FOCAD: variants seen among roughly 807,000 people sequenced by gnomAD.
FOCAD encodes KIAA1797.
Under a neutral mutation model 225.6 loss-of-function variants are expected in FOCAD, and 198 were observed. The ratio of observed to expected loss-of-function variants is 0.88; its 90% CI spans 0.78 to 0.99. FOCAD has a LOEUF of 0.99. Among genes scored for constraint, FOCAD ranks in the 50% least tolerant of loss-of-function variants. FOCAD has a pLI of 0.00. For synonymous variants in FOCAD, 897 were observed against 755.0 expected, an observed-to-expected ratio of 1.19 and a Z score of -3.08; for missense variants, 2,713 against 2,123.6, an observed-to-expected ratio of 1.28 and a Z score of -5.46.
At chr9:20,767,941 G>C (rs1255766547) in intron 7 of FOCAD, among the ~76,000 whole-genome samples, 3 of 152,122 alleles carry the variant, frequency 2.0e-5, no homozygotes, top group South Asian at 2.1e-4. Flanking sequence ...TTTTCTTCTA[G>C]GGTTTTTATG....
intron 11 of FOCAD, among the ~76,000 whole-genome samples, chr9:20,807,788 G>A (rs1037873715): frequency 2.0e-5 from 3 of 152,118 alleles, no homozygotes; most frequent in South Asian, 2.1e-4. Flanking sequence ...GGTGGTTCAC[G>A]CCTGCAATCC....
chr9:20,863,420 G>C (rs1194344122), intron 16 of FOCAD: 1 of 151,874 alleles, frequency 6.6e-6, no homozygotes, highest in Non-Finnish European at 1.5e-5. Context: ...ATATGTTTTA[G>C]ATCATCTGAC....
Position 20,757,965 on chromosome 9 carries a change from G to C in FOCAD, c.393-125G>C. On this transcript the variant is annotated intron_variant, in intron 5 of 43. Transcript: ENST00000338382. The stretch of plus-strand genomic sequence containing the variant: ...CAAATGGAGCAAGTGATCATTTTGT[G>C]ACAATTATGAATCGTGAAAAAAGTC... 6 of 481,782 alleles carry C rather than the reference G, an allele frequency of 1.2e-5. No homozygotes were observed. In the Middle Eastern group the frequency reaches 1.6e-3, roughly 126 times the overall value. The allele number at this position is 481,782 out of a possible 1,614,324, so 29.8% of individuals were successfully genotyped here. A position where few individuals can be genotyped will look rare whatever the true frequency, so the allele number is the denominator to read the frequency against.
At chr9:20,828,045 A>G (rs1825089723) in intron 15 of FOCAD, among the ~76,000 whole-genome samples, 1 of 151,672 alleles carries the variant, frequency 6.6e-6, no homozygotes, top group African/African-American at 2.4e-5. Flanking sequence ...GGTGGCACAC[A>G]CCTGTTGTCC....
Position 20,986,270 on chromosome 9 carries a change from T to TTTTTTTTTTTTTTTTTTTTTTC in FOCAD, c.4729-5_4729-4insTTTTTTTTCTTTTTTTTTTTTT. On this transcript the variant is annotated splice_polypyrimidine_tract_variant and intron_variant, in intron 39 of 43. Coordinates refer to ENST00000338382, the MANE Select transcript of FOCAD (RefSeq NM_001375567.1). ...TAATTTAATAGTAACTAAACAATTT[T>TTTTTTTTTTTTTTTTTTTTTTC]TTTTTTTTTTTTTGCAGAGCAACAT... 1.6e-6 allele frequency: 2 copies of TTTTTTTTTTTTTTTTTTTTTTC among 1,243,824 alleles called. 1 individual carries two copies. The highest frequency in any genetic ancestry group is 2.1e-6 in the Non-Finnish European group (2 of 956,628). The allele number at this position is 1,243,824 out of a possible 1,614,324, so 77.0% of individuals were successfully genotyped here.
chr9:20,895,585 A>G (rs1369808343), intron 21 of FOCAD, among the ~76,000 whole-genome samples: 1 of 151,744 alleles, frequency 6.6e-6, no homozygotes, highest in Non-Finnish European at 1.5e-5. Context: ...ATATAGATAT[A>G]TTTATTTATG....
In FOCAD at chr9:20,684,306, G is replaced by A. The variant is rs1822523196; in HGVS notation, c.-33+13G>A. 2 of 152,222 alleles carry A rather than the reference G, an allele frequency of 1.3e-5. No homozygotes were observed. The highest frequency in any genetic ancestry group is 6.5e-5 in the Admixed American group (1 of 15,272). 9.4% of individuals were successfully genotyped at this position (152,222 alleles called of 1,614,324 possible). ...TGGCAGAAGGGAGGTAAGCCGTGCG[G>A]GGCGGCGGGCTGCCACCGCTGCACC... On this transcript the variant is annotated intron_variant, in intron 1 of 43. Coordinates refer to ENST00000338382, the MANE Select transcript of FOCAD (RefSeq NM_001375567.1).
At chr9:20,738,801 G>T (rs1586979718) in intron 4 of FOCAD, among the ~76,000 whole-genome samples, 2 of 152,166 alleles carry the variant, frequency 1.3e-5, no homozygotes, top group Admixed American at 1.3e-4. Context: ...GAATTTTCCA[G>T]TAGCCACATT....
chr9:20,907,320 A>G (rs1833063105), intron 22 of FOCAD, 78 bp downstream of exon 22: 2 of 1,209,064 alleles, frequency 1.7e-6, no homozygotes, highest in Admixed American at 2.0e-5. Context: ...TGTATTTAAT[A>G]TAAAAGCACT....
chr9:20,903,716 G>A (rs148935229), intron 21 of FOCAD, among the ~76,000 whole-genome samples: 540 of 151,758 alleles, frequency 3.6e-3, no homozygotes, highest in Admixed American at 6.2e-3. Context: ...GGACCTTTGC[G>A]TTACCATTTT....
chr9:20,669,621 C>G (rs528578673), intron 2 of FOCAD, among the ~76,000 whole-genome samples: 2 of 150,608 alleles, frequency 1.3e-5, no homozygotes, highest in East Asian at 3.9e-4. Context: ...TGAAAATACA[C>G]AAATTAGCTG....
intron 35 of FOCAD, among the ~76,000 whole-genome samples, chr9:20,960,340 G>T (rs1024965766): frequency 2.0e-5 from 3 of 152,196 alleles, no homozygotes; most frequent in Non-Finnish European, 4.4e-5. Flanking sequence ...CGTCTCAGCT[G>T]CCTCCACTGG....
At chr9:20,681,819 G>A (rs1367623237), upstream of FOCAD, among the ~76,000 whole-genome samples, 1 of 152,218 alleles carries the variant, frequency 6.6e-6, no homozygotes, top group African/African-American at 2.4e-5. Context: ...TGAGCCCATG[G>A]ACTTCCAGCT....
intron 35 of FOCAD, among the ~76,000 whole-genome samples, chr9:20,967,458 G>A (rs987508148): frequency 1.3e-5 from 2 of 152,026 alleles, no homozygotes; most frequent in Non-Finnish European, 2.9e-5. Context: ...CATATCATTT[G>A]CAAATATAGT....
Position 20,781,830 on chromosome 9 carries a change from C to G in FOCAD, c.1098C>G (p.Asp366Glu), listed in dbSNP as rs373625671. 6.2e-7 allele frequency: 1 copy of G among 1,614,010 alleles called. No homozygotes were observed. ...LQILSSTALE[D>E]CISVDEEGPS... ...TACTATCTTCTACTGCCTTGGAAGA[C>G]TGTATATCTGTGGATGAAGAAGGTC... is the stretch of plus-strand genomic sequence containing the variant. The change falls in exon 10 of 44, where the codon GAC becomes GAG. Residue 366 changes from aspartate (D) to glutamate (E), a missense_variant. Transcript: ENST00000338382.
At chr9:20,772,405 G>C (rs529715697) in intron 8 of FOCAD, among the ~76,000 whole-genome samples, 4 of 152,266 alleles carry the variant, frequency 2.6e-5, no homozygotes, top group African/African-American at 9.6e-5. Flanking sequence ...CAGGGCTTGT[G>C]GTGGAACTCT....
At chr9:20,854,504 G>C (rs1474815095) in intron 15 of FOCAD, among the ~76,000 whole-genome samples, 1 of 151,674 alleles carries the variant, frequency 6.6e-6, no homozygotes, top group Non-Finnish European at 1.5e-5. Context: ...CCAAATCAGA[G>C]ACCTGGATTT....
intron 18 of FOCAD, among the ~76,000 whole-genome samples, chr9:20,868,954 G>A (rs1348318492): frequency 6.6e-6 from 1 of 152,072 alleles, no homozygotes; most frequent in Non-Finnish European, 1.5e-5. Flanking sequence ...CAGTTTGGCT[G>A]TTCGAACACC....
At chr9:20,953,879 G>C (rs1200020582) in intron 35 of FOCAD, among the ~76,000 whole-genome samples, 4 of 151,912 alleles carry the variant, frequency 2.6e-5, no homozygotes, top group Admixed American at 2.0e-4. Flanking sequence ...CCCAATTTTA[G>C]AAAGGAAAAA....
Sources: gnomAD v4.1 joint callset for allele counts (sites outside exome capture counted in the v4.1 genomes callset) on GRCh38, gnomAD v4.1.1 for gene constraint, MANE v1.5 for transcripts, NCBI Gene and HGNC (gene_info 2026-07-23, HGNC 2026-07-21) for gene names.